The following ASH2L variants were observed in gnomAD, a reference collection of about 807,000 sequenced individuals.
The protein encoded by ASH2L is set1/Ash2 histone methyltransferase complex subunit ASH2.
A neutral mutation model predicts 81.1 loss-of-function variants in ASH2L; 30 were observed. The ratio of observed to expected loss-of-function variants is 0.37; its 90% CI spans 0.28 to 0.50. The LOEUF is 0.50. ASH2L is among the 20% of genes least tolerant of loss of function. The pLI is 0.95. For missense variants in ASH2L, 559 were observed against 792.1 expected, an observed-to-expected ratio of 0.71 and a Z score of 3.53; for synonymous variants, 273 against 279.9, an observed-to-expected ratio of 0.98 and a Z score of 0.24.
chr8:38,135,965 G>A (rs113796151), intron 14 of ASH2L, among the ~76,000 whole-genome samples, 199 bp downstream of exon 14: 2,343 of 152,180 alleles, frequency 0.015, 56 homozygotes, highest in African/African-American at 0.054. Flanking sequence ...AGGTCCTGCA[G>A]TTTGTGTGCG....
chr8:38,121,338 TATATATATATA>T (rs1563255683), intron 10 of ASH2L, among the ~76,000 whole-genome samples, 189 bp downstream of exon 10: 1,813 of 112,920 alleles, frequency 0.016, 92 homozygotes, highest in African/African-American at 0.044. Flanking sequence ...TTTATTTATA[TATATATATATA>T]TATATATATA....
chr8:38,117,803 ATCCCAGCACTT>A (rs1486452658), intron 8 of ASH2L: 1 of 152,198 alleles, frequency 6.6e-6, no homozygotes, highest in African/African-American at 2.4e-5. Context: ...CATGCATGTA[ATCCCAGCACTT>A]TGGGAGGCCG....
chr8:38,110,337 G>A, intron 3 of ASH2L, 42 bp from the exon 4 acceptor site: 1 of 1,441,928 alleles, frequency 6.9e-7, no homozygotes, highest in South Asian at 1.1e-5. Context: ...AAGTGTGTGT[G>A]TTCACAAGTT....
At chr8:38,129,259 A>G (rs1379389748) in intron 12 of ASH2L, among the ~76,000 whole-genome samples, 1 of 152,154 alleles carries the variant, frequency 6.6e-6, no homozygotes, top group African/African-American at 2.4e-5. Flanking sequence ...CATTCTTTTG[A>G]TACAAAATGT....
chr8:38,112,094 C>A (rs1301172352), intron 5 of ASH2L, among the ~76,000 whole-genome samples: 1 of 152,116 alleles, frequency 6.6e-6, no homozygotes, highest in Non-Finnish European at 1.5e-5. Flanking sequence ...GCAGCCTCAA[C>A]CTCCTGTGTT....
intron 3 of ASH2L, 41 bp downstream of exon 3, chr8:38,107,207 A>C (rs1810474251): frequency 3.1e-6 from 5 of 1,609,222 alleles, no homozygotes; most frequent in Non-Finnish European, 4.3e-6. Flanking sequence ...TGCTCGGTAA[A>C]ATAAATCTGA....
intron 1 of ASH2L, chr8:38,106,104 C>G (rs1810418041): frequency 6.6e-6 from 10 of 1,525,686 alleles, no homozygotes; most frequent in East Asian, 2.5e-5. Context: ...AGAGCTGCCT[C>G]TCTTTGAACC....
chr8:38,116,524 C>A, intron 7 of ASH2L, 126 bp from the exon 8 acceptor site: 1 of 735,788 alleles, frequency 1.4e-6, no homozygotes, highest in Non-Finnish European at 2.3e-6. Flanking sequence ...TAGAGTAAGG[C>A]CCCATCTCAG....
chr8:38,118,481 T>C (rs1203171801), intron 8 of ASH2L, among the ~76,000 whole-genome samples: 2 of 152,256 alleles, frequency 1.3e-5, no homozygotes, highest in African/African-American at 4.8e-5. Context: ...AAATTTTTTG[T>C]ATAAAATATG....
At chr8:38,133,667 A>C in intron 13 of ASH2L, 121 bp downstream of exon 13, 1 of 738,676 alleles carries the variant, frequency 1.4e-6, no homozygotes, top group Middle Eastern at 2.7e-4. Flanking sequence ...TGGTAGCCCC[A>C]CTGGCCAGCG....
Position 38,116,632 on chromosome 8 carries a change from T to C in ASH2L, c.778-18T>C. On this transcript the variant is annotated intron_variant, in intron 7 of 15. Coordinates refer to ENST00000343823, the MANE Select transcript of ASH2L (RefSeq NM_004674.5). ...TGACTTACGTAGACTCCTTTTTTAA[T>C]TGGATGTATTTTTGCAGGACCTTAG... is the stretch of plus-strand genomic sequence containing the variant. 5 of 1,600,940 alleles carry C rather than the reference T, an allele frequency of 3.1e-6. No homozygotes were observed. Among genetic ancestry groups the C allele is most frequent in the Non-Finnish European group, 4.3e-6 (5 of 1,173,490 alleles).
intron 9 of ASH2L, among the ~76,000 whole-genome samples, chr8:38,119,823 AAAT>A (rs1811062700): frequency 6.6e-6 from 1 of 151,538 alleles, no homozygotes; most frequent in Non-Finnish European, 1.5e-5. Flanking sequence ...CAAAAAACAA[AAAT>A]AATAACCCCA....
At position 38,133,629 on chromosome 8, in the gene ASH2L, G is replaced by A. The variant is rs113814167; in HGVS notation, c.1620+83G>A. On this transcript the variant is annotated intron_variant, in intron 13 of 15. Transcript: ENST00000343823. ...CCTTCATTATAAAAGTGAGGAACAC[G>A]AGGCCCAAAGGGGAATGAAGGGGCA... The A allele has an allele frequency of 1.0e-3, 1,125 of 1,113,914 alleles. 7 individuals carry two copies. The African/African-American group carries it at 0.016, about 15-fold the overall frequency. The allele number at this position is 1,113,914 out of a possible 1,614,324, so 69.0% of individuals were successfully genotyped here.
At chr8:38,106,070 C>T in intron 1 of ASH2L, 1 of 1,523,992 alleles carries the variant, frequency 6.6e-7, no homozygotes, top group Non-Finnish European at 8.8e-7. Context: ...GAAGAAGTAA[C>T]GGTCACTCTG....
At chr8:38,130,270 A>T (rs1585602154) in intron 12 of ASH2L, among the ~76,000 whole-genome samples, 2 of 138,322 alleles carry the variant, frequency 1.4e-5, no homozygotes, top group South Asian at 2.3e-4. Context: ...TTTGGTAGAA[A>T]CAGGTTTGGT....
At chr8:38,130,816 C>T (rs1007091494) in intron 12 of ASH2L, among the ~76,000 whole-genome samples, 1 of 151,924 alleles carries the variant, frequency 6.6e-6, no homozygotes, top group Non-Finnish European at 1.5e-5. Flanking sequence ...TCAGGCTGGT[C>T]TTGAACTCCC....
At chr8:38,119,488 T>C in intron 9 of ASH2L, 125 bp downstream of exon 9, 1 of 766,580 alleles carries the variant, frequency 1.3e-6, no homozygotes, top group Non-Finnish European at 2.0e-6. Context: ...TTCTAAACCT[T>C]GAGCACTTTG....
At chr8:38,133,065 C>A (rs1210616731) in intron 12 of ASH2L, among the ~76,000 whole-genome samples, 4 of 146,434 alleles carry the variant, frequency 2.7e-5, no homozygotes, top group Middle Eastern at 3.6e-3. Flanking sequence ...CCAGCCTGGG[C>A]AACAAGAGTG....
chr8:38,128,259 T>C (rs1464307792), intron 10 of ASH2L, 32 bp from the exon 11 acceptor site: 1 of 1,612,610 alleles, frequency 6.2e-7, no homozygotes, highest in Non-Finnish European at 8.5e-7. Context: ...TCAAATAAGT[T>C]GCAGGCCTTC....
Sources: gnomAD v4.1 joint callset for allele counts (sites outside exome capture counted in the v4.1 genomes callset) on GRCh38, gnomAD v4.1.1 for gene constraint, MANE v1.5 for transcripts, NCBI Gene and HGNC (gene_info 2026-07-23, HGNC 2026-07-21) for gene names.